YIPF5: variants seen among roughly 807,000 people sequenced by gnomAD.
The protein encoded by YIPF5 is protein YIPF5.
YIPF5 carries 8 observed loss-of-function variants against 30.4 expected under a neutral mutation model. The observed-to-expected ratio is 0.26, with a 90% confidence interval of 0.15 to 0.47. The LOEUF (loss-of-function observed/expected upper bound fraction) is 0.47. Among genes scored for constraint, YIPF5 ranks in the 20% least tolerant of loss-of-function variants. The pLI is 0.99. For synonymous variants in YIPF5, 104 were observed against 107.9 expected (o/e 0.96, Z 0.23); for missense variants, 282 against 301.8 (o/e 0.93, Z 0.49).
intron 5 of YIPF5, among the ~76,000 whole-genome samples, chr5:144,161,633 A>G (rs1485341989): frequency 6.6e-6 from 1 of 152,142 alleles, no homozygotes; most frequent in Non-Finnish European, 1.5e-5. Context: ...GGCGTGAGCA[A>G]CCGTGCCTGG....
Position 144,158,698 on chromosome 5 carries a change from T to G in YIPF5, c.*1699A>C, listed in dbSNP as rs925433145. On this transcript the variant is annotated 3_prime_UTR_variant, in exon 6 of 6. Coordinates refer to ENST00000274496, the MANE Select transcript of YIPF5 (RefSeq NM_030799.9). The stretch of plus-strand genomic sequence containing the variant: ...AAAGCCTATCAAATTACCTTCCAAA[T>G]TGCTTTTTTAAAGCAATTTGGTAAG... 1 of 1,017,350 alleles carries G rather than the reference T, an allele frequency of 9.8e-7. No homozygotes were observed. Among genetic ancestry groups the G allele is most frequent in the African/African-American group, 1.7e-5 (1 of 57,394 alleles). The allele number at this position is 1,017,350 out of a possible 1,614,324, so 63.0% of individuals were successfully genotyped here.
chr5:144,164,990 C>T (rs548145349), intron 3 of YIPF5, among the ~76,000 whole-genome samples: 3 of 152,220 alleles, frequency 2.0e-5, no homozygotes, highest in Admixed American at 2.0e-4. Context: ...TCATACCTTT[C>T]ATTAGATTTT....
At chr5:144,161,415 G>A (rs1179393687) in intron 5 of YIPF5, among the ~76,000 whole-genome samples, 1 of 140,330 alleles carries the variant, frequency 7.1e-6, no homozygotes, top group Non-Finnish European at 1.5e-5. Context: ...GGCGATCTCG[G>A]CTCACTGCAA....
chr5:144,164,277 A>G (rs1298666563), intron 3 of YIPF5, 21 bp from the exon 4 acceptor site: 2 of 1,590,164 alleles, frequency 1.3e-6, no homozygotes, highest in Non-Finnish European at 1.7e-6. Context: ...AGAAAATTTA[A>G]AAGTTAATTA....
rs2126753165 is a variant in YIPF5 at position 144,158,626 on chromosome 5, A to G, written c.*1771T>C. The G allele has an allele frequency of 1.9e-6, 2 of 1,061,888 alleles. No homozygotes were observed. Among genetic ancestry groups the G allele is most frequent in the African/African-American group, 3.5e-5 (2 of 57,832 alleles). 65.8% of individuals were successfully genotyped at this position (1,061,888 alleles called of 1,614,324 possible). ...GAAAAAGACAAATGAATTGAAAAAG[A>G]CAAAAATACTATCCAAGAATTACAA... On this transcript the variant is annotated 3_prime_UTR_variant, in exon 6 of 6. Transcript: ENST00000274496.
At position 144,159,151 on chromosome 5, in the gene YIPF5, A is replaced by T. The variant is rs1390689206; in HGVS notation, c.*1246T>A. The stretch of plus-strand genomic sequence containing the variant: ...GCTCATTTAATCCCCTTTTTGTCTG[A>T]TTCTATATTAGCTGATTTCTATTCT... On this transcript the variant is annotated 3_prime_UTR_variant, in exon 6 of 6. Coordinates refer to ENST00000274496, the MANE Select transcript of YIPF5 (RefSeq NM_030799.9). 2 of 984,996 alleles carry T rather than the reference A, an allele frequency of 2.0e-6. No individual in the cohort carries two copies. The highest frequency in any genetic ancestry group is 2.4e-6 in the Non-Finnish European group (2 of 829,566). 61.0% of individuals were successfully genotyped at this position (984,996 alleles called of 1,614,324 possible). A position where few individuals can be genotyped will look rare whatever the true frequency, so the allele number is the denominator to read the frequency against.
rs1752066506 is a variant in YIPF5 at position 144,162,158 on chromosome 5, A to G, written c.611+60T>C. ...GGTGATTTATCTCAAACTGAAGATG[A>G]GGTGAATCCTACTACATAGAATTGG... On this transcript the variant is annotated intron_variant, in intron 5 of 5. Coordinates refer to ENST00000274496, the MANE Select transcript of YIPF5 (RefSeq NM_030799.9). 4 of 1,520,558 alleles carry G rather than the reference A, an allele frequency of 2.6e-6. No individual in the cohort carries two copies. In the African/African-American group the frequency reaches 5.6e-5, roughly 21 times the overall value. The allele number at this position is 1,520,558 out of a possible 1,614,324, so 94.2% of individuals were successfully genotyped here.
chr5:144,169,891 G>A lies in YIPF5; in HGVS notation c.65C>T (p.Ser22Leu), dbSNP rs758524762. The change falls in exon 2 of 6, where the codon TCA becomes TTA. Residue 22 changes from serine to leucine, a missense_variant. By Grantham distance (145) the Ser-to-Leu change is moderately radical (BLOSUM62 -2). Transcript: ENST00000274496. ...TCCTCCATAATCATAGGACTGCTGT[G>A]ACTGATCATCGATGCTGTAACTTGT... ...YQTSYSIDDQ[S>L]QQSYDYGGSG... The A allele has an allele frequency of 1.7e-5, 27 of 1,614,090 alleles. No homozygotes were observed. Among genetic ancestry groups the A allele is most frequent in the Non-Finnish European group, 2.3e-5 (27 of 1,180,050 alleles).
At chr5:144,164,690 C>T (rs1347776709) in intron 3 of YIPF5, among the ~76,000 whole-genome samples, 3 of 151,910 alleles carry the variant, frequency 2.0e-5, no homozygotes, top group East Asian at 1.9e-4. Flanking sequence ...GTTGAGACAT[C>T]GTGCCTGGCC....
At position 144,159,449 on chromosome 5, in the gene YIPF5, GGTTGA is replaced by G. The variant is rs972864278; in HGVS notation, c.*943_*947del. The G allele has an allele frequency of 1.7e-5, 17 of 985,178 alleles. No homozygotes were observed. The highest frequency in any genetic ancestry group is 1.2e-4 in the African/African-American group (7 of 57,194). 61.0% of individuals were successfully genotyped at this position (985,178 alleles called of 1,614,324 possible). A position where few individuals can be genotyped will look rare whatever the true frequency, so the allele number is the denominator to read the frequency against. On this transcript the variant is annotated 3_prime_UTR_variant, in exon 6 of 6. Transcript: ENST00000274496. The stretch of plus-strand genomic sequence containing the variant: ...TAATGCAACCATTCCAGGTCCCTAA[GGTTGA>G]GTTAACATTAATATGTAAGTAAGTG...
chr5:144,169,962 T>TA lies in YIPF5; in HGVS notation c.-8dup, dbSNP rs1669353194. On this transcript the variant is annotated 5_prime_UTR_variant, in exon 2 of 6. Coordinates refer to ENST00000274496, the MANE Select transcript of YIPF5 (RefSeq NM_030799.9). ...AGTTTTCAAAGCCTGACATTGCAAA[T>TA]AATCTGTAATAAAAGAGAAATGGCA... 5 of 1,611,664 alleles carry TA rather than the reference T, an allele frequency of 3.1e-6. No homozygotes were observed. The highest frequency in any genetic ancestry group is 1.7e-5 in the Admixed American group (1 of 60,014).
rs762860184 is a variant in YIPF5 at position 144,169,829 on chromosome 5, C to G, written c.110+17G>C. The G allele has an allele frequency of 1.9e-6, 3 of 1,603,540 alleles. No individual in the cohort carries two copies. Among genetic ancestry groups the G allele is most frequent in the Non-Finnish European group, 2.6e-6 (3 of 1,171,192 alleles). On this transcript the variant is annotated intron_variant, in intron 2 of 5. Coordinates refer to ENST00000274496, the MANE Select transcript of YIPF5 (RefSeq NM_030799.9). ...CTGCAATGTAGACTAAATTAATTGC[C>G]AAAGATGAAAAGTTACTTGCTATAG...
chr5:144,166,088 A>C (rs954450900), intron 2 of YIPF5, among the ~76,000 whole-genome samples: 1 of 152,202 alleles, frequency 6.6e-6, no homozygotes, highest in Non-Finnish European at 1.5e-5. Context: ...TCTTCATAGT[A>C]TGTTACTTTT....
intron 3 of YIPF5, among the ~76,000 whole-genome samples, chr5:144,165,073 A>C (rs758401149): frequency 6.6e-6 from 1 of 152,184 alleles, no homozygotes; most frequent in Non-Finnish European, 1.5e-5. Context: ...TTTGAAAATC[A>C]CCATTTTTTT....
chr5:144,168,113 AC>A (rs1220261431), intron 2 of YIPF5, among the ~76,000 whole-genome samples: 1 of 152,228 alleles, frequency 6.6e-6, no homozygotes, highest in Non-Finnish European at 1.5e-5. Context: ...CATCACTAGT[AC>A]TGAAGCAATG....
chr5:144,163,787 T>A, intron 4 of YIPF5: 1 of 179,734 alleles, frequency 5.6e-6, no homozygotes, highest in Non-Finnish European at 1.1e-5. Flanking sequence ...AAAAAAGCAA[T>A]AGTGTAAAAA....
intron 5 of YIPF5, among the ~76,000 whole-genome samples, chr5:144,161,814 A>T (rs1355251696): frequency 2.6e-5 from 4 of 152,242 alleles, no homozygotes; most frequent in Admixed American, 6.5e-5. Context: ...GAGAGTATGT[A>T]TTTATTATTC....
In YIPF5 at chr5:144,160,038, GTTT is replaced by G; in HGVS notation, c.*356_*358del. 1 of 995,122 alleles carries G rather than the reference GTTT, an allele frequency of 1.0e-6. No homozygotes were observed. 61.6% of individuals were successfully genotyped at this position (995,122 alleles called of 1,614,324 possible). ...GTGTCTTCTTTACTGTGACTGGGTC[GTTT>G]TTAAGAAAGGTTATCAGCTTTGTGT... is the stretch of plus-strand genomic sequence containing the variant. On this transcript the variant is annotated 3_prime_UTR_variant, in exon 6 of 6. Transcript: ENST00000274496.
intron 2 of YIPF5, among the ~76,000 whole-genome samples, chr5:144,168,205 A>G (rs1021607357): frequency 1.3e-5 from 2 of 152,202 alleles, no homozygotes; most frequent in African/African-American, 2.4e-5. Context: ...GTTGTTTAGA[A>G]TATCTAAATT....
Sources: allele counts gnomAD v4.1 joint callset (sites outside exome capture counted in the v4.1 genomes callset), GRCh38; gene constraint gnomAD v4.1.1; transcripts MANE v1.5; gene names NCBI Gene and HGNC (gene_info 2026-07-23, HGNC 2026-07-21).